SIL1: variants seen among roughly 807,000 people sequenced by gnomAD.
The protein encoded by SIL1 is SIL1 nucleotide exchange factor, also known as nucleotide exchange factor SIL1.
Under a neutral mutation model 49.1 loss-of-function variants are expected in SIL1, and 40 were observed. That is an observed-to-expected ratio of 0.81 (90% CI 0.63 to 1.06). The LOEUF (loss-of-function observed/expected upper bound fraction) is 1.06, where lower values mean the gene tolerates loss of function less well. SIL1 is among the 50% of genes least tolerant of loss of function. The pLI, the probability that SIL1 is intolerant of heterozygous loss-of-function variation, is 0.00. For missense variants in SIL1, 500 were observed against 572.6 expected, an observed-to-expected ratio of 0.87 and a Z score of 1.29; for synonymous variants, 253 against 250.8, an observed-to-expected ratio of 1.01 and a Z score of -0.08.
rs571422054 is a variant in SIL1, at chr5:138,947,927, G to A, written c.1030-454C>T. 2.6e-5 allele frequency among the ~76,000 whole-genome samples: 4 copies of A among 152,230 alleles called. No homozygotes were observed. The highest frequency in any genetic ancestry group is 2.1e-4 in the South Asian group (1 of 4,822). On this transcript the variant is annotated intron_variant, in intron 9 of 9. Coordinates refer to ENST00000394817, the MANE Select transcript of SIL1 (RefSeq NM_022464.5). The surrounding 1 kb of genome is among the most constrained non-coding windows in gnomAD (Gnocchi z 4.1). ...GAGAAACTCAGCCTGTCTGTAAAGC[G>A]CAGAAGCCCAGCTCTATCAGCAGAA...
chr5:139,001,725 T>G (rs1767987521), intron 7 of SIL1, among the ~76,000 whole-genome samples: 1 of 152,040 alleles, frequency 6.6e-6, no homozygotes, highest in Non-Finnish European at 1.5e-5. Flanking sequence ...ACCAACATAG[T>G]GAAACCCCGT....
At chr5:138,959,068 C>G (rs1403337595) in intron 7 of SIL1, among the ~76,000 whole-genome samples, 2 of 152,162 alleles carry the variant, frequency 1.3e-5, no homozygotes, top group African/African-American at 4.8e-5. Context: ...GTTTCCATCA[C>G]CCTTTAATAT....
chr5:139,163,896 A>T (rs1022059366), intron 1 of SIL1, among the ~76,000 whole-genome samples: 1 of 152,050 alleles, frequency 6.6e-6, no homozygotes, highest in Non-Finnish European at 1.5e-5. Flanking sequence ...GGGCGGGCAG[A>T]TCACTTGAGG....
intron 1 of SIL1, among the ~76,000 whole-genome samples, chr5:139,146,110 C>T (rs2151803586): frequency 6.6e-6 from 1 of 152,224 alleles, no homozygotes; most frequent in East Asian, 1.9e-4. Flanking sequence ...TCCCAAAGTG[C>T]TGCGATTACA....
At chr5:139,174,364 G>A (rs1050796562) in intron 1 of SIL1, among the ~76,000 whole-genome samples, 4 of 152,170 alleles carry the variant, frequency 2.6e-5, no homozygotes, top group Admixed American at 1.3e-4. Context: ...AGGCATGGTG[G>A]CAGGTGCCTG....
chr5:139,137,428 G>T (rs2093209345), intron 1 of SIL1: 2 of 672,550 alleles, frequency 3.0e-6, no homozygotes, highest in Non-Finnish European at 5.4e-6. Context: ...TCTCTCGAGG[G>T]GTCTGTGAAA....
intron 7 of SIL1, among the ~76,000 whole-genome samples, chr5:138,956,470 G>A (rs1766904448): frequency 6.6e-6 from 1 of 152,170 alleles, no homozygotes; most frequent in Admixed American, 6.5e-5. Flanking sequence ...TTGGCTGGGC[G>A]CAGTGGCTCA....
chr5:139,105,422 A>G lies in SIL1; in HGVS notation c.244+15613T>C, dbSNP rs1483356666. Among the ~76,000 whole-genome samples the G allele has an allele frequency of 2.6e-5, 4 of 152,336 alleles. No homozygotes were observed. The East Asian group carries it at 5.8e-4, about 22-fold the overall frequency. On this transcript the variant is annotated intron_variant, in intron 3 of 9. Transcript: ENST00000394817. ...TTCCCTGGAAGAAGCAAATCCTCCCATAACTATAAATCAATCCCTCACTGC... is the reference window on the plus strand; with the variant it reads ...TTCCCTGGAAGAAGCAAATCCTCCCGTAACTATAAATCAATCCCTCACTGC...
intron 1 of SIL1, among the ~76,000 whole-genome samples, chr5:139,153,887 G>A (rs1357514802): frequency 6.6e-6 from 1 of 152,180 alleles, no homozygotes; most frequent in Non-Finnish European, 1.5e-5. Context: ...ACTACACACT[G>A]TCCTTCCTCA....
intron 7 of SIL1, among the ~76,000 whole-genome samples, chr5:138,992,521 C>T (rs560934686): frequency 6.6e-6 from 1 of 152,344 alleles, no homozygotes; most frequent in South Asian, 2.1e-4. Context: ...CAGCCTTTCT[C>T]ATATCCACAG....
chr5:139,091,757 C>A (rs886090805), intron 3 of SIL1, among the ~76,000 whole-genome samples: 2 of 152,220 alleles, frequency 1.3e-5, no homozygotes, highest in Admixed American at 6.5e-5. Flanking sequence ...CTGGCCAACA[C>A]CCTGGTTTCA....
intron 7 of SIL1, among the ~76,000 whole-genome samples, chr5:138,991,502 AC>A (rs1767760425): frequency 6.6e-6 from 1 of 152,170 alleles, no homozygotes; most frequent in South Asian, 2.1e-4. Context: ...CATTTTGCAC[AC>A]ATTCTGAGAT....
intron 3 of SIL1, among the ~76,000 whole-genome samples, chr5:139,056,169 C>G (rs1261050939): frequency 6.6e-6 from 1 of 151,012 alleles, no homozygotes; most frequent in African/African-American, 2.4e-5. Flanking sequence ...GCCTGGCTGC[C>G]CAGTCTGGAA....
chr5:139,025,975 T>C (rs182870938), intron 6 of SIL1, among the ~76,000 whole-genome samples: 4 of 152,304 alleles, frequency 2.6e-5, no homozygotes, highest in African/African-American at 9.6e-5. Context: ...ATTTGACCTA[T>C]GGGCAGTAGT....
At chr5:139,063,584 T>A (rs1026916331) in intron 3 of SIL1, among the ~76,000 whole-genome samples, 2 of 152,246 alleles carry the variant, frequency 1.3e-5, no homozygotes, top group Non-Finnish European at 2.9e-5. Context: ...TACATTTTTT[T>A]AAATTCTCAC....
At position 138,948,481 on chromosome 5, in the gene SIL1, T is replaced by TA. The variant is rs1766686838; in HGVS notation, c.1030-1009dup. On this transcript the variant is annotated intron_variant, in intron 9 of 9. Transcript: ENST00000394817. This position sits in a 1 kb window ranked among gnomAD's most constrained non-coding sequence, Gnocchi z 4.8. The stretch of plus-strand genomic sequence containing the variant: ...CCTCACAGCCTGGCATTGCGGGTGA[T>TA]AAAGACAAAATCAATCCCTTCCCTG... Among the ~76,000 whole-genome samples the TA allele has an allele frequency of 1.3e-5, 2 of 152,136 alleles. No homozygotes were observed. The highest frequency in any genetic ancestry group is 4.1e-4 in the South Asian group (2 of 4,822).
chr5:139,102,708 CT>C (rs66644479), intron 3 of SIL1, among the ~76,000 whole-genome samples: 52,479 of 137,864 alleles, frequency 0.38, 9,285 homozygotes, highest in Middle Eastern at 0.46. Flanking sequence ...CTGCTTTTTT[CT>C]TTTTTTTTTT....
At chr5:138,959,452 A>T (rs1766971382) in intron 7 of SIL1, among the ~76,000 whole-genome samples, 1 of 152,236 alleles carries the variant, frequency 6.6e-6, no homozygotes, top group Non-Finnish European at 1.5e-5. Flanking sequence ...ATATTCTGAT[A>T]CTGAGCTGAA....
intron 3 of SIL1, among the ~76,000 whole-genome samples, chr5:139,076,381 G>A (rs771969651): frequency 6.6e-6 from 1 of 152,048 alleles, no homozygotes; most frequent in Non-Finnish European, 1.5e-5. Context: ...AGTTTTGCAA[G>A]GGTAGAAAAC....
Sources: allele counts gnomAD v4.1 joint callset (sites outside exome capture counted in the v4.1 genomes callset), GRCh38; gene constraint gnomAD v4.1.1; non-coding constraint Gnocchi (gnomAD v3.1); transcripts MANE v1.5; gene names NCBI Gene and HGNC (gene_info 2026-07-23, HGNC 2026-07-21).